The following P4HA2 variants were observed in gnomAD, a reference collection of about 807,000 sequenced individuals.
The protein encoded by P4HA2 is prolyl 4-hydroxylase subunit alpha 2.
In P4HA2, 46 loss-of-function variants were observed where a neutral mutation model predicts 76.9. The observed-to-expected ratio is 0.60, with a 90% CI of 0.47 to 0.76. P4HA2 has a LOEUF of 0.76. Ranked by LOEUF, P4HA2 falls within the 30% of genes least tolerant of loss-of-function variation. P4HA2 has a pLI of 0.00. For synonymous variants in P4HA2, 243 were observed against 254.0 expected (o/e 0.96, Z 0.41); for missense variants, 583 against 669.4 (o/e 0.87, Z 1.42).
At chr5:132,215,557 T>C (rs1292892650) in intron 4 of P4HA2, among the ~76,000 whole-genome samples, 1 of 151,828 alleles carries the variant, frequency 6.6e-6, no homozygotes, top group African/African-American at 2.4e-5. Flanking sequence ...AGCTCACCAA[T>C]CCCTCTCCAG....
Position 132,197,608 on chromosome 5 carries a change from CAAAAAAAAAAAA to C in P4HA2, c.1365+701_1365+712del, listed in dbSNP as rs555319735. On this transcript the variant is annotated intron_variant, in intron 12 of 14. Transcript: ENST00000360568. ...GGGTGACAGAGCAAGACTCCATCTCCAAAAAAAAAAAAAAAAAAAAAAAGAAGAAGAAGAAGC... is the reference window on the plus strand; with the variant it reads ...GGGTGACAGAGCAAGACTCCATCTCCAAAAAAAAAAAGAAGAAGAAGAAGC... 7.4e-3 allele frequency among the ~76,000 whole-genome samples: 410 copies of C among 55,214 alleles called. 3 individuals carry two copies. Among genetic ancestry groups the C allele is most frequent in the African/African-American group, 0.025 (362 of 14,742 alleles). 36.2% of individuals were successfully genotyped at this position (55,214 alleles called of 152,430 possible).
chr5:132,207,673 TCAGTGACCCGAGAAGGACCTA>T lies in P4HA2; in HGVS notation c.1080+14_1080+34del. 1 of 1,592,666 alleles carries T rather than the reference TCAGTGACCCGAGAAGGACCTA, an allele frequency of 6.3e-7. No individual in the cohort carries two copies. The highest frequency in any genetic ancestry group is 1.3e-5 in the African/African-American group (1 of 74,512). On this transcript the variant is annotated intron_variant, in intron 8 of 14. Coordinates refer to ENST00000360568, the MANE Select transcript of P4HA2 (RefSeq NM_001017974.2). ...GGATGAGAAAAAGGACCTTCCCCCT[TCAGTGACCCGAGAAGGACCTA>T]CAGTGACACCTACTTTAGGTTTTGC...
At chr5:132,208,643 G>A (rs1005842606) in intron 7 of P4HA2, among the ~76,000 whole-genome samples, 7 of 151,840 alleles carry the variant, frequency 4.6e-5, no homozygotes, top group Admixed American at 1.3e-4. Context: ...TTTCTTGGTG[G>A]AGGAGCCAGT....
intron 12 of P4HA2, chr5:132,197,944 T>C (rs1750913856): frequency 5.3e-6 from 5 of 941,372 alleles, no homozygotes; most frequent in Non-Finnish European, 6.3e-6. Context: ...GTAAGTTTTA[T>C]GTTATGTCTG....
intron 3 of P4HA2, 135 bp from the exon 4 acceptor site, chr5:132,217,483 C>T (rs1561493153): frequency 2.6e-6 from 2 of 769,710 alleles, no homozygotes; most frequent in East Asian, 2.5e-5. Flanking sequence ...AAAATGAATA[C>T]AGTAACTCCC....
chr5:132,191,239 G>A lies in P4HA2; in HGVS notation c.*1771C>T, dbSNP rs1418911887. 5.3e-5 allele frequency among the ~76,000 whole-genome samples: 8 copies of A among 152,166 alleles called. No individual in the cohort carries two copies. Among genetic ancestry groups the A allele is most frequent in the African/African-American group, 1.7e-4 (7 of 41,436 alleles). On this transcript the variant is annotated 3_prime_UTR_variant, in exon 15 of 15. Transcript: ENST00000360568. ...TAAGATTTCAACATATGGGCCGGGC[G>A]CGGTGGCTCACGCCTGTAATCCCAG... is the stretch of plus-strand genomic sequence containing the variant.
At chr5:132,203,870 A>G in intron 9 of P4HA2, 23 bp from the exon 10 acceptor site, 1 of 1,566,354 alleles carries the variant, frequency 6.4e-7, no homozygotes, top group South Asian at 1.1e-5. Context: ...AAAAGGGCAG[A>G]GAAAAGAAGA....
intron 1 of P4HA2, among the ~76,000 whole-genome samples, chr5:132,220,719 TC>T (rs1405074824): frequency 6.6e-6 from 1 of 152,202 alleles, no homozygotes; most frequent in Non-Finnish European, 1.5e-5. Flanking sequence ...CTGAGCCCAT[TC>T]TTGAATCTCA....
intron 5 of P4HA2, among the ~76,000 whole-genome samples, chr5:132,211,721 C>G (rs915834732): frequency 9.9e-5 from 15 of 152,186 alleles, no homozygotes; most frequent in Admixed American, 5.2e-4. Flanking sequence ...GCTGACTGAG[C>G]TGGGGCTCTG....
intron 5 of P4HA2, among the ~76,000 whole-genome samples, chr5:132,210,991 A>C (rs1026880496): frequency 1.3e-5 from 2 of 152,204 alleles, no homozygotes; most frequent in African/African-American, 4.8e-5. Flanking sequence ...AGAATGGAGA[A>C]GATGACTAAG....
Position 132,217,354 on chromosome 5 carries a change from G to C in P4HA2, c.180-6C>G, listed in dbSNP as rs778926996. Reference sequence around the variant, plus strand: ...CTTCCATTTTGTTGGCCCAGCTGTGGAACCAGAGGAAAAGGAAGACTAATG... The same window carrying C: ...CTTCCATTTTGTTGGCCCAGCTGTGCAACCAGAGGAAAAGGAAGACTAATG... On this transcript the variant is annotated splice_polypyrimidine_tract_variant and splice_region_variant and intron_variant, in intron 3 of 14. Coordinates refer to ENST00000360568, the MANE Select transcript of P4HA2 (RefSeq NM_001017974.2). 4 of 1,613,952 alleles carry C rather than the reference G, an allele frequency of 2.5e-6. No individual in the cohort carries two copies. The highest frequency in any genetic ancestry group is 3.3e-5 in the Admixed American group (2 of 59,998).
At chr5:132,196,860 C>CAAAAAAAAAAAAAAAAAAAAAAAAAAA in intron 12 of P4HA2, among the ~76,000 whole-genome samples, 1 of 100,036 alleles carries the variant, frequency 1.0e-5, no homozygotes, top group South Asian at 4.0e-4. Flanking sequence ...GAGTCTGTCT[C>CAAAAAAAAAAAAAAAAAAAAAAAAAAA]AAAAAAAAAA....
At chr5:132,204,968 C>T (rs1752001983) in intron 8 of P4HA2, among the ~76,000 whole-genome samples, 1 of 152,260 alleles carries the variant, frequency 6.6e-6, no homozygotes, top group Non-Finnish European at 1.5e-5. Flanking sequence ...GGACTGTCCT[C>T]ATGACCTCAC....
chr5:132,223,664 T>G (rs1460321112), intron 1 of P4HA2, among the ~76,000 whole-genome samples: 1 of 152,238 alleles, frequency 6.6e-6, no homozygotes, highest in South Asian at 2.1e-4. Context: ...CCTGGGAACA[T>G]AGTCTGAGAT....
rs1749953065 is a variant in P4HA2 at position 132,191,918 on chromosome 5, T to C, written c.*1092A>G. 1 of 152,222 alleles carries C rather than the reference T, an allele frequency of 6.6e-6. No homozygotes were observed. Among genetic ancestry groups the C allele is most frequent in the African/African-American group, 2.4e-5 (1 of 41,452 alleles). The allele number at this position is 152,222 out of a possible 1,614,324, so 9.4% of individuals were successfully genotyped here. A position where few individuals can be genotyped will look rare whatever the true frequency, so the allele number is the denominator to read the frequency against. ...TACAATAAGCATTAACAAAACTGAATGTACTATAAAGATTAAAACAAATTA... is the reference window on the plus strand; with the variant it reads ...TACAATAAGCATTAACAAAACTGAACGTACTATAAAGATTAAAACAAATTA... On this transcript the variant is annotated 3_prime_UTR_variant, in exon 15 of 15. Transcript: ENST00000360568.
intron 5 of P4HA2, among the ~76,000 whole-genome samples, chr5:132,212,942 T>C (rs974460968): frequency 6.6e-6 from 1 of 152,164 alleles, no homozygotes; most frequent in Non-Finnish European, 1.5e-5. Flanking sequence ...AGGGGGCAGC[T>C]GAGGTTCTGG....
Position 132,192,758 on chromosome 5 carries a change from C to A in P4HA2, c.*252G>T, listed in dbSNP as rs200707484. On this transcript the variant is annotated 3_prime_UTR_variant, in exon 15 of 15. Transcript: ENST00000360568. Reference sequence around the variant, plus strand: ...ACACCTGAGGTACAAAGGCACCTTGCTAGGCGCTAGACAGCTAACTCTGCT... The same window carrying A: ...ACACCTGAGGTACAAAGGCACCTTGATAGGCGCTAGACAGCTAACTCTGCT... The A allele has an allele frequency of 4.8e-4, 208 of 434,964 alleles. No individual in the cohort carries two copies. The highest frequency in any genetic ancestry group is 3.9e-3 in the African/African-American group (197 of 50,868). 26.9% of individuals were successfully genotyped at this position (434,964 alleles called of 1,614,324 possible).
intron 5 of P4HA2, among the ~76,000 whole-genome samples, chr5:132,213,018 A>G (rs1383320746): frequency 6.6e-6 from 1 of 152,220 alleles, no homozygotes; most frequent in Non-Finnish European, 1.5e-5. Flanking sequence ...TGTCTCCAGC[A>G]GCCCTCAAAA....
intron 8 of P4HA2, among the ~76,000 whole-genome samples, chr5:132,206,101 A>G (rs901203914): frequency 2.6e-5 from 4 of 152,088 alleles, no homozygotes; most frequent in Admixed American, 1.3e-4. Flanking sequence ...GGCTCTTTGC[A>G]TGGCTTCTAT....
Sources: allele counts gnomAD v4.1 joint callset (sites outside exome capture counted in the v4.1 genomes callset), GRCh38; gene constraint gnomAD v4.1.1; transcripts MANE v1.5; gene names NCBI Gene and HGNC (gene_info 2026-07-23, HGNC 2026-07-21).